The following LTBP1 variants were observed in gnomAD, a reference collection of about 807,000 sequenced individuals.
The protein encoded by LTBP1 is latent-transforming growth factor beta-binding protein 1.
In LTBP1, 129 loss-of-function variants were observed where a neutral mutation model predicts 207.6. The observed-to-expected ratio is 0.62, with a 90% CI of 0.54 to 0.72. The LOEUF (loss-of-function observed/expected upper bound fraction) is 0.72, where lower values mean the gene tolerates loss of function less well. LTBP1 is among the 30% of genes least tolerant of loss of function. The probability of loss-of-function intolerance (pLI) is 0.00; values close to 1 mark genes in which losing one functional copy is unlikely to be tolerated. For missense variants in LTBP1, 2,281 were observed against 2,217.2 expected, an observed-to-expected ratio of 1.03 and a Z score of -0.58; for synonymous variants, 963 against 833.7, an observed-to-expected ratio of 1.16 and a Z score of -2.67.
rs1330056614 is a variant in LTBP1 at position 33,110,563 on chromosome 2, T to C, written c.864-19T>C. 5 of 1,605,802 alleles carry C rather than the reference T, an allele frequency of 3.1e-6. No individual in the cohort carries two copies. In the South Asian group the frequency reaches 4.4e-5, roughly 14 times the overall value. On this transcript the variant is annotated intron_variant, in intron 3 of 33. Transcript: ENST00000404816. ...AAGCCCATTATTTAATTCCTTCTCT[T>C]TATTTTGTTTCTTCCCAGAGTGACT...
At chr2:33,096,369 T>G (rs1010612410) in intron 3 of LTBP1, among the ~76,000 whole-genome samples, 2 of 152,162 alleles carry the variant, frequency 1.3e-5, no homozygotes, top group Non-Finnish European at 2.9e-5. Flanking sequence ...CAGCAAGAAT[T>G]TCTGAAGGAA....
At chr2:33,247,289 A>T (rs904582711) in intron 10 of LTBP1, among the ~76,000 whole-genome samples, 14 of 152,348 alleles carry the variant, frequency 9.2e-5, no homozygotes, top group Admixed American at 2.0e-4. Context: ...TTTCCTGAGC[A>T]TCTTTATGAG....
intron 15 of LTBP1, among the ~76,000 whole-genome samples, chr2:33,264,255 C>T (rs1298893202): frequency 1.4e-4 from 13 of 91,228 alleles, no homozygotes; most frequent in African/African-American, 4.5e-4. Context: ...GACTCTGTCT[C>T]AAAAAAAAAA....
intron 24 of LTBP1, among the ~76,000 whole-genome samples, chr2:33,342,176 C>T (rs2094635469): frequency 6.6e-6 from 1 of 152,202 alleles, no homozygotes; most frequent in Non-Finnish European, 1.5e-5. Context: ...GAAAAAAAGG[C>T]AGAAGATCAC....
chr2:33,331,744 T>A (rs2094496418), intron 24 of LTBP1, among the ~76,000 whole-genome samples: 1 of 152,120 alleles, frequency 6.6e-6, no homozygotes, highest in Non-Finnish European at 1.5e-5. Context: ...TCCCTACCGA[T>A]TTTTTGTCTG....
At chr2:33,394,382 C>G (rs144027475) in intron 32 of LTBP1, among the ~76,000 whole-genome samples, 1,980 of 152,254 alleles carry the variant, frequency 0.013, 18 homozygotes, top group Middle Eastern at 0.024. Flanking sequence ...TGCCTATGTC[C>G]TGAATGGTAT....
chr2:33,120,025 A>C (rs1015079067), intron 4 of LTBP1, among the ~76,000 whole-genome samples: 5 of 152,216 alleles, frequency 3.3e-5, no homozygotes, highest in African/African-American at 7.2e-5. Flanking sequence ...GTAGAAGTTA[A>C]TACATGACTG....
chr2:32,993,561 T>C (rs1684768541), intron 2 of LTBP1, among the ~76,000 whole-genome samples: 1 of 152,216 alleles, frequency 6.6e-6, no homozygotes. Context: ...AGAAAAAGCC[T>C]ATTGTTAAAT....
At chr2:33,398,206 A>G (rs981401335) in intron 33 of LTBP1, among the ~76,000 whole-genome samples, 158 bp from the exon 34 acceptor site, 1 of 152,216 alleles carries the variant, frequency 6.6e-6, no homozygotes, top group Non-Finnish European at 1.5e-5. Flanking sequence ...CCTCTTTAAG[A>G]TCTCAAAAAA....
At chr2:33,060,923 A>G (rs115547437) in intron 3 of LTBP1, among the ~76,000 whole-genome samples, 231 of 152,260 alleles carry the variant, frequency 1.5e-3, no homozygotes, top group Middle Eastern at 6.8e-3. Flanking sequence ...GCTCTTGCAA[A>G]CAATTATATG....
intron 5 of LTBP1, among the ~76,000 whole-genome samples, chr2:33,167,835 T>A (rs1230294358): frequency 6.6e-6 from 1 of 152,186 alleles, no homozygotes; most frequent in Non-Finnish European, 1.5e-5. Flanking sequence ...AAGAACTAGA[T>A]CAAGGAGAGC....
rs72869619 is a variant in LTBP1, at chr2:33,005,555, T to A, written c.566-15354T>A. ...ATGTCACTTTCAGAACAGTGACAAG[T>A]CCAGCTCAGATTCAAGAGAGAGGGA... On this transcript the variant is annotated intron_variant, in intron 2 of 33. Coordinates refer to ENST00000404816, the MANE Select transcript of LTBP1 (RefSeq NM_206943.4). 3.5e-3 allele frequency among the ~76,000 whole-genome samples: 527 copies of A among 151,530 alleles called. 2 individuals carry two copies. The highest frequency in any genetic ancestry group is 0.012 in the African/African-American group (509 of 41,294).
chr2:33,091,461 A>G (rs1259722623), intron 3 of LTBP1, among the ~76,000 whole-genome samples: 3 of 152,204 alleles, frequency 2.0e-5, no homozygotes, highest in Non-Finnish European at 2.9e-5. Context: ...CATGAGTAGA[A>G]GAGCTGAGGT....
At chr2:33,048,486 C>G (rs1283086381) in intron 3 of LTBP1, among the ~76,000 whole-genome samples, 1 of 152,158 alleles carries the variant, frequency 6.6e-6, no homozygotes, top group African/African-American at 2.4e-5. Context: ...CTTTCCACAG[C>G]AAAGTACTCA....
intron 31 of LTBP1, among the ~76,000 whole-genome samples, chr2:33,387,663 C>T (rs1191763913): frequency 6.6e-6 from 1 of 152,080 alleles, no homozygotes; most frequent in Non-Finnish European, 1.5e-5. Flanking sequence ...ATTCGTCACC[C>T]TCATTCCTCC....
At chr2:33,301,407 G>T (rs1274464008) in intron 21 of LTBP1, 115 bp from the exon 22 acceptor site, 1 of 1,237,904 alleles carries the variant, frequency 8.1e-7, no homozygotes, top group Non-Finnish European at 1.1e-6. Context: ...ATACATGATG[G>T]TCATTACTTG....
intron 5 of LTBP1, among the ~76,000 whole-genome samples, chr2:33,142,483 C>A (rs950275987): frequency 1.3e-5 from 2 of 150,876 alleles, no homozygotes; most frequent in African/African-American, 2.4e-5. Context: ...TGGTGGTGGG[C>A]AGAGGGCAGG....
intron 9 of LTBP1, among the ~76,000 whole-genome samples, chr2:33,231,941 A>G (rs1052213354): frequency 6.6e-6 from 1 of 152,230 alleles, no homozygotes. Flanking sequence ...TTATTCAGGT[A>G]ACTGTTGTAA....
At position 33,361,492 on chromosome 2, in the gene LTBP1, A is replaced by G; in HGVS notation, c.4247A>G (p.Glu1416Gly). The G allele has an allele frequency of 6.2e-7, 1 of 1,612,678 alleles. No homozygotes were observed. The highest frequency in any genetic ancestry group is 1.1e-5 in the South Asian group (1 of 91,004). ...GTGCCTGCTGGAGAATCATCTTCTGAAGCTGGTGGTGAGAACTATAAAGGT... is the reference window on the plus strand; with the variant it reads ...GTGCCTGCTGGAGAATCATCTTCTGGAGCTGGTGGTGAGAACTATAAAGGT... Reference protein sequence around the residue: ...GFVPAGESSSEAGGENYKDAD... With the variant: ...GFVPAGESSSGAGGENYKDAD... Residue 1416 changes from glutamate to glycine, a missense_variant, in exon 28 of 34, where the codon GAA (glutamate) becomes GGA (glycine). This residue lies in a region of LTBP1 where 1,671 missense variants were observed against 1,634.8 expected (regional missense o/e 1.02). Transcript: ENST00000404816.
Sources: gnomAD v4.1 joint callset for allele counts (sites outside exome capture counted in the v4.1 genomes callset) on GRCh38, gnomAD v4.1.1 for gene constraint, gnomAD v4.1.1 regional missense constraint, MANE v1.5 for transcripts, NCBI Gene and HGNC (gene_info 2026-07-23, HGNC 2026-07-21) for gene names.